DDX10: variants seen among roughly 807,000 people sequenced by gnomAD.
DDX10 encodes DEAD-box helicase 10.
A neutral mutation model predicts 104.3 loss-of-function variants in DDX10; 74 were observed. That is an observed-to-expected ratio of 0.71 (90% CI 0.59 to 0.86). The LOEUF is 0.86. Among genes scored for constraint, DDX10 ranks in the 40% least tolerant of loss-of-function variants. The pLI is 0.00. For missense variants in DDX10, 952 were observed against 1,040.0 expected (o/e 0.92, Z 1.16); for synonymous variants, 351 against 353.4 (o/e 0.99, Z 0.08).
intron 16 of DDX10, among the ~76,000 whole-genome samples, chr11:108,884,651 TCTAA>T (rs1304507539): frequency 1.3e-5 from 2 of 152,258 alleles, no homozygotes; most frequent in East Asian, 3.8e-4. Context: ...CCTTGGTTTC[TCTAA>T]CTCTCTATCC....
intron 13 of DDX10, among the ~76,000 whole-genome samples, chr11:108,771,476 C>T (rs1387835819): frequency 2.6e-5 from 4 of 152,110 alleles, no homozygotes; most frequent in Non-Finnish European, 4.4e-5. Flanking sequence ...TCCCAAGTAG[C>T]TGGGACTACA....
chr11:108,868,428 T>C (rs1863035909), intron 16 of DDX10: 3 of 152,054 alleles, frequency 2.0e-5, no homozygotes, highest in African/African-American at 7.2e-5. Context: ...TTTCCATCCC[T>C]TCCCGCTAAC....
intron 13 of DDX10, among the ~76,000 whole-genome samples, chr11:108,827,008 CTA>C (rs1862404633): frequency 6.6e-6 from 1 of 152,186 alleles, no homozygotes; most frequent in South Asian, 2.1e-4. Context: ...AGAAATGAAA[CTA>C]TGCATTGTAG....
intron 13 of DDX10, among the ~76,000 whole-genome samples, chr11:108,736,388 G>C (rs2094318437): frequency 6.6e-6 from 1 of 152,088 alleles, no homozygotes; most frequent in Non-Finnish European, 1.5e-5. Flanking sequence ...ACGTTTTGCA[G>C]TTTATCACCC....
chr11:108,820,409 T>G (rs2134576913), intron 13 of DDX10, among the ~76,000 whole-genome samples: 1 of 152,344 alleles, frequency 6.6e-6, no homozygotes, highest in Non-Finnish European at 1.5e-5. Context: ...TCTGTCTCCC[T>G]CTTATTCCAC....
intron 13 of DDX10, among the ~76,000 whole-genome samples, chr11:108,837,121 A>G (rs565440810): frequency 1.3e-5 from 2 of 152,326 alleles, no homozygotes; most frequent in African/African-American, 4.8e-5. Context: ...TTTATTGAAT[A>G]CTTTTTCATA....
At chr11:108,765,408 A>C (rs1234803802) in intron 13 of DDX10, among the ~76,000 whole-genome samples, 1 of 152,228 alleles carries the variant, frequency 6.6e-6, no homozygotes, top group Non-Finnish European at 1.5e-5. Context: ...TTAGAAGATT[A>C]CTTACAGCTC....
At chr11:108,851,913 C>CT (rs1862797823) in intron 15 of DDX10, among the ~76,000 whole-genome samples, 1 of 152,068 alleles carries the variant, frequency 6.6e-6, no homozygotes, top group African/African-American at 2.4e-5. Context: ...AAAGTCAGTA[C>CT]TAACCATTGC....
chr11:108,678,381 C>G lies in DDX10; in HGVS notation c.604C>G (p.Leu202Val). 1 of 1,613,150 alleles carries G rather than the reference C, an allele frequency of 6.2e-7. No individual in the cohort carries two copies. The highest frequency in any genetic ancestry group is 8.5e-7 in the Non-Finnish European group (1 of 1,179,660). The change falls in exon 5 of 18, where the codon CTT (leucine) becomes GTT (valine). Residue 202 changes from leucine to valine, a missense_variant. By Grantham distance (32) the Leu-to-Val change is conservative. Around this residue, in one of 3 missense-constraint regions of DDX10, gnomAD observed 412 missense variants for 479.2 expected, o/e 0.86. Coordinates refer to ENST00000322536, the MANE Select transcript of DDX10 (RefSeq NM_004398.4). ...NILVCTPGRL[L>V]QHMDETVSFH... ...ACTCGTGTGCACACCAGGTCGGCTT[C>G]TTCAACACATGGATGAAACAGTATC...
chr11:108,894,185 T>G (rs904433507), intron 16 of DDX10, among the ~76,000 whole-genome samples: 12 of 152,030 alleles, frequency 7.9e-5, no homozygotes, highest in Non-Finnish European at 5.9e-5. Context: ...ATAATACACT[T>G]TGCATGTTTT....
chr11:108,702,219 CA>C (rs1168273039), intron 9 of DDX10, among the ~76,000 whole-genome samples: 2 of 152,028 alleles, frequency 1.3e-5, no homozygotes, highest in African/African-American at 4.8e-5. Context: ...ACTTGTAGTA[CA>C]AAAATAATGC....
chr11:108,677,856 C>T (rs973488874), intron 4 of DDX10, among the ~76,000 whole-genome samples: 12 of 151,874 alleles, frequency 7.9e-5, no homozygotes, highest in Non-Finnish European at 1.2e-4. Context: ...CTGTTTTTTC[C>T]CACCGCCTCC....
intron 16 of DDX10, among the ~76,000 whole-genome samples, chr11:108,907,416 A>G (rs920252034): frequency 1.1e-4 from 16 of 150,660 alleles, no homozygotes; most frequent in African/African-American, 3.2e-4. Context: ...GCTCACTGCA[A>G]CCTCCACCTC....
Position 108,716,388 on chromosome 11 carries a change from C to T in DDX10, c.1410+422C>T, listed in dbSNP as rs115151581. On this transcript the variant is annotated intron_variant, in intron 11 of 17. Coordinates refer to ENST00000322536, the MANE Select transcript of DDX10 (RefSeq NM_004398.4). Reference sequence around the variant, plus strand: ...CTGGGATTACAGGCGTGAGCCACTACGCCTGGCCAGTCTAGCTTATTCTTT... The same window carrying T: ...CTGGGATTACAGGCGTGAGCCACTATGCCTGGCCAGTCTAGCTTATTCTTT... 3.1e-3 allele frequency among the ~76,000 whole-genome samples: 465 copies of T among 152,226 alleles called. 4 individuals are homozygous for T. The highest frequency in any genetic ancestry group is 0.01 in the African/African-American group (423 of 41,534).
intron 13 of DDX10, among the ~76,000 whole-genome samples, chr11:108,806,968 A>G (rs1037151393): frequency 2.6e-5 from 4 of 152,190 alleles, no homozygotes; most frequent in African/African-American, 9.7e-5. Context: ...TTGGGAAGCC[A>G]TTGAAGGATT....
intron 13 of DDX10, among the ~76,000 whole-genome samples, chr11:108,820,303 T>C (rs1862309046): frequency 6.6e-6 from 1 of 152,184 alleles, no homozygotes; most frequent in African/African-American, 2.4e-5. Context: ...CCAGAGAAAT[T>C]CCACAATGAC....
At chr11:108,894,134 A>G (rs1863411186) in intron 16 of DDX10, among the ~76,000 whole-genome samples, 2 of 152,168 alleles carry the variant, frequency 1.3e-5, no homozygotes, top group East Asian at 1.9e-4. Context: ...GAACTAGTTA[A>G]TTGGTTTTCT....
At chr11:108,763,009 A>G (rs1400732555) in intron 13 of DDX10, among the ~76,000 whole-genome samples, 2 of 152,212 alleles carry the variant, frequency 1.3e-5, no homozygotes, top group Non-Finnish European at 2.9e-5. Flanking sequence ...CCACAAAGTG[A>G]TGGTAGAACA....
At chr11:108,700,863 C>T (rs2094266846) in intron 9 of DDX10, among the ~76,000 whole-genome samples, 1 of 151,404 alleles carries the variant, frequency 6.6e-6, no homozygotes, top group Admixed American at 6.6e-5. Flanking sequence ...TTACAATTTA[C>T]CTTTTTTTTT....
Sources: allele counts gnomAD v4.1 joint callset (sites outside exome capture counted in the v4.1 genomes callset), GRCh38; gene constraint gnomAD v4.1.1; regional missense constraint gnomAD v4.1.1; transcripts MANE v1.5; gene names NCBI Gene and HGNC (gene_info 2026-07-23, HGNC 2026-07-21).